TMBIM4: variants seen among roughly 807,000 people sequenced by gnomAD.
TMBIM4 encodes the protein protein lifeguard 4.
In TMBIM4, 28 loss-of-function variants were observed where a neutral mutation model predicts 27.7. The ratio of observed to expected loss-of-function variants is 1.01; its 90% CI spans 0.75 to 1.38. The LOEUF is 1.38. Among genes scored for constraint, TMBIM4 ranks in the 40% most tolerant of loss-of-function variants. TMBIM4 has a pLI of 0.00. For synonymous variants in TMBIM4, 115 were observed against 113.1 expected, an observed-to-expected ratio of 1.02 and a Z score of -0.11; for missense variants, 265 against 277.5, an observed-to-expected ratio of 0.95 and a Z score of 0.32.
At chr12:66,143,715 G>A (rs1565782254) in intron 5 of TMBIM4, among the ~76,000 whole-genome samples, 1 of 152,166 alleles carries the variant, frequency 6.6e-6, no homozygotes, top group South Asian at 2.1e-4. Context: ...AACATTTAAC[G>A]CACTTCTTCA....
chr12:66,156,112 T>C (rs2051931181), intron 1 of TMBIM4, among the ~76,000 whole-genome samples: 1 of 152,164 alleles, frequency 6.6e-6, no homozygotes. Context: ...TTGTGAATAA[T>C]ATAAAAAGTA....
chr12:66,163,853 C>G (rs1330486228), intron 1 of TMBIM4, among the ~76,000 whole-genome samples: 1 of 152,218 alleles, frequency 6.6e-6, no homozygotes, highest in Non-Finnish European at 1.5e-5. Flanking sequence ...CTGCATTACC[C>G]TGATACCAAA....
rs2051589931 is a variant in TMBIM4, at chr12:66,137,172, G to A, written c.*788C>T. ...ATGTAATACTGAATAATTCTCTGTG[G>A]AATTTATCTTTTACATTTTTTTCCT... is the stretch of plus-strand genomic sequence containing the variant. On this transcript the variant is annotated 3_prime_UTR_variant, in exon 7 of 7. Transcript: ENST00000358230. 1 of 151,900 alleles carries A rather than the reference G, an allele frequency of 6.6e-6. No individual in the cohort carries two copies. Among genetic ancestry groups the A allele is most frequent in the South Asian group, 2.1e-4 (1 of 4,806 alleles). 9.4% of individuals were successfully genotyped at this position (151,900 alleles called of 1,614,324 possible). A position where few individuals can be genotyped will look rare whatever the true frequency, so the allele number is the denominator to read the frequency against.
intron 5 of TMBIM4, among the ~76,000 whole-genome samples, chr12:66,140,684 C>T (rs1437369562): frequency 6.6e-6 from 1 of 152,082 alleles, no homozygotes; most frequent in Non-Finnish European, 1.5e-5. Flanking sequence ...TCACTTGAAC[C>T]CAGGAGTTCG....
At chr12:66,139,583 C>T (rs558270503) in intron 5 of TMBIM4, 6 of 455,686 alleles carry the variant, frequency 1.3e-5, no homozygotes, top group South Asian at 6.2e-5. Context: ...CAGTCACTTG[C>T]GGTCTCCTTG....
chr12:66,139,592 T>C (rs182176530), intron 5 of TMBIM4: 1 of 455,748 alleles, frequency 2.2e-6, no homozygotes, highest in Admixed American at 2.3e-5. Context: ...GCGGTCTCCT[T>C]GAGTTGAGCA....
intron 1 of TMBIM4, among the ~76,000 whole-genome samples, chr12:66,164,870 AATTCAGCAAAG>A (rs1162238812): frequency 1.3e-5 from 2 of 152,244 alleles, no homozygotes; most frequent in Non-Finnish European, 2.9e-5. Flanking sequence ...AGAATAAATG[AATTCAGCAAAG>A]ATTCAAGATA....
At chr12:66,156,998 T>G (rs2136872388) in intron 1 of TMBIM4, among the ~76,000 whole-genome samples, 1 of 152,302 alleles carries the variant, frequency 6.6e-6, no homozygotes, top group Non-Finnish European at 1.5e-5. Context: ...TTTCTCAACC[T>G]TGTTTTCATT....
rs554498035 is a variant in TMBIM4 at position 66,144,583 on chromosome 12, C to T, written c.464+1258G>A. On this transcript the variant is annotated intron_variant, in intron 5 of 6. Coordinates refer to ENST00000358230, the MANE Select transcript of TMBIM4 (RefSeq NM_016056.4). ...AACACTTGTGTGGTTGGGAAAACAT[C>T]GTAAGCCATGAATTTAGTTTCAAGT... Among the ~76,000 whole-genome samples the T allele has an allele frequency of 5.9e-5, 9 of 152,196 alleles. No individual in the cohort carries two copies. The South Asian group carries it at 1.2e-3, about 21-fold the overall frequency.
At chr12:66,149,444 CAA>C (rs61425460) in intron 3 of TMBIM4, among the ~76,000 whole-genome samples, 19 of 74,460 alleles carry the variant, frequency 2.6e-4, no homozygotes, top group African/African-American at 2.5e-4. Context: ...GACCCTGTCT[CAA>C]AAAAAAAAAA....
At position 66,137,626 on chromosome 12, in the gene TMBIM4, C is replaced by G. The variant is rs1375910836; in HGVS notation, c.*334G>C. ...GGCCAGGATGGTCTCAACCTCTTGA[C>G]CTCGTGATCCACCTGCCTCGGTCTC... On this transcript the variant is annotated 3_prime_UTR_variant, in exon 7 of 7. Coordinates refer to ENST00000358230, the MANE Select transcript of TMBIM4 (RefSeq NM_016056.4). 3.8e-6 allele frequency: 1 copy of G among 260,362 alleles called. No individual in the cohort carries two copies. The allele number at this position is 260,362 out of a possible 1,614,324, so 16.1% of individuals were successfully genotyped here. A position where few individuals can be genotyped will look rare whatever the true frequency, so the allele number is the denominator to read the frequency against.
At chr12:66,146,064 C>T (rs137859518) in intron 4 of TMBIM4, 106 bp from the exon 5 acceptor site, 234 of 559,626 alleles carry the variant, frequency 4.2e-4, no homozygotes, top group African/African-American at 4.0e-3. Flanking sequence ...TACTTTATGC[C>T]AATAAAAACA....
At chr12:66,146,019 T>G (rs1310786964) in intron 4 of TMBIM4, 61 bp from the exon 5 acceptor site, 1 of 842,522 alleles carries the variant, frequency 1.2e-6, no homozygotes, top group Non-Finnish European at 1.9e-6. Context: ...AACAGCTTTT[T>G]CTGGCATTTT....
intron 2 of TMBIM4, 87 bp from the exon 3 acceptor site, chr12:66,152,463 T>C (rs2051861735): frequency 1.1e-6 from 1 of 870,018 alleles, no homozygotes; most frequent in East Asian, 3.2e-5. Context: ...ATCTATTTTA[T>C]ATGTTTATGA....
intron 1 of TMBIM4, among the ~76,000 whole-genome samples, chr12:66,161,605 C>T (rs915988332): frequency 6.6e-5 from 10 of 152,056 alleles, no homozygotes; most frequent in African/African-American, 2.2e-4. Flanking sequence ...AAATGAGAAC[C>T]GCTTATTTAG....
In TMBIM4 at chr12:66,145,696, G is replaced by A. The variant is rs17126155; in HGVS notation, c.464+145C>T. On this transcript the variant is annotated intron_variant, in intron 5 of 6. Transcript: ENST00000358230. ...TGTGTATGTTCTAGGAGTAGGACCT[G>A]GCCCTAGTACTCAAAGAGATGATCT... 1.5e-3 allele frequency: 779 copies of A among 503,246 alleles called. 4 individuals carry two copies. Among genetic ancestry groups the A allele is most frequent in the African/African-American group, 0.013 (698 of 51,786 alleles). The allele number at this position is 503,246 out of a possible 1,614,324, so 31.2% of individuals were successfully genotyped here. A position where few individuals can be genotyped will look rare whatever the true frequency, so the allele number is the denominator to read the frequency against.
chr12:66,152,424 G>A (rs774526624), intron 2 of TMBIM4, 48 bp from the exon 3 acceptor site: 4 of 1,265,682 alleles, frequency 3.2e-6, no homozygotes, highest in East Asian at 2.5e-5. Context: ...AAAATAGCAT[G>A]AGCAGTATTA....
At chr12:66,163,101 C>A (rs1417500102) in intron 1 of TMBIM4, among the ~76,000 whole-genome samples, 2 of 152,224 alleles carry the variant, frequency 1.3e-5, no homozygotes, top group Non-Finnish European at 2.9e-5. Context: ...TGAATGCCTT[C>A]TATTCACACA....
chr12:66,164,351 A>G (rs551124737), intron 1 of TMBIM4, among the ~76,000 whole-genome samples: 2 of 152,320 alleles, frequency 1.3e-5, no homozygotes, highest in South Asian at 4.1e-4. Flanking sequence ...TAGTGGATCT[A>G]CGGGCCATAA....
Sources: allele counts gnomAD v4.1 joint callset (sites outside exome capture counted in the v4.1 genomes callset), GRCh38; gene constraint gnomAD v4.1.1; transcripts MANE v1.5; gene names NCBI Gene and HGNC (gene_info 2026-07-23, HGNC 2026-07-21).